The following PCDHA7 variants were observed in gnomAD, a reference collection of about 807,000 sequenced individuals.
The protein encoded by PCDHA7 is protocadherin alpha-7.
In PCDHA7, 37 loss-of-function variants were observed where a neutral mutation model predicts 57.2. The observed-to-expected ratio is 0.65, with a 90% CI of 0.50 to 0.85. The LOEUF (loss-of-function observed/expected upper bound fraction) is 0.85. Among genes scored for constraint, PCDHA7 ranks in the 40% least tolerant of loss-of-function variants. The pLI, the probability that PCDHA7 is intolerant of heterozygous loss-of-function variation, is 0.00. For synonymous variants in PCDHA7, 553 were observed against 558.8 expected (o/e 0.99, Z 0.15); for missense variants, 1,188 against 1,241.8 (o/e 0.96, Z 0.65).
At chr5:140,866,347 A>G (rs1554160242) in intron 1 of PCDHA7, 2 of 152,140 alleles carry the variant, frequency 1.3e-5, no homozygotes, top group Admixed American at 6.5e-5. Context: ...GGATTCAAGA[A>G]ATGTTTACAA....
chr5:140,915,960 G>A (rs1554197207), intron 1 of PCDHA7, among the ~76,000 whole-genome samples: 1 of 152,112 alleles, frequency 6.6e-6, no homozygotes, highest in Admixed American at 6.5e-5. Flanking sequence ...TTAGAAATTT[G>A]CCTGATATTT....
At chr5:140,850,301 C>G in intron 1 of PCDHA7, 3 of 1,596,740 alleles carry the variant, frequency 1.9e-6, no homozygotes, top group Non-Finnish European at 2.6e-6. Context: ...CCGACTCGGG[C>G]TACAACGCGT....
At chr5:140,979,067 A>C (rs1938790025) in intron 2 of PCDHA7, 60 bp downstream of exon 2, 1 of 1,601,882 alleles carries the variant, frequency 6.2e-7, no homozygotes, top group Non-Finnish European at 8.5e-7. Flanking sequence ...GCTCAGATAA[A>C]CTGCATCTCC....
chr5:141,005,164 G>T (rs782398186), intron 3 of PCDHA7, among the ~76,000 whole-genome samples: 1 of 152,178 alleles, frequency 6.6e-6, no homozygotes, highest in Non-Finnish European at 1.5e-5. Context: ...TAAAGAGTGG[G>T]TACCACTTTC....
intron 1 of PCDHA7, chr5:140,966,135 T>A (rs1456572936): frequency 1.2e-5 from 2 of 162,166 alleles, no homozygotes; most frequent in African/African-American, 4.8e-5. Context: ...CCCCTCAGTT[T>A]ATTTTCCTGA....
chr5:140,904,047 A>C (rs1554191240), intron 1 of PCDHA7, among the ~76,000 whole-genome samples: 1 of 152,164 alleles, frequency 6.6e-6, no homozygotes, highest in Admixed American at 6.6e-5. Flanking sequence ...TAATTTTTTT[A>C]TTTCAATGGG....
chr5:140,852,648 C>A, intron 1 of PCDHA7: 1 of 958,186 alleles, frequency 1.0e-6, no homozygotes, highest in Non-Finnish European at 1.3e-6. Context: ...TTAAACCTAT[C>A]TATATCTGTC....
chr5:141,006,765 G>T (rs1299930915), intron 3 of PCDHA7, among the ~76,000 whole-genome samples: 3 of 152,174 alleles, frequency 2.0e-5, no homozygotes, highest in Non-Finnish European at 4.4e-5. Context: ...ATGAAGAATA[G>T]AATAGAGAAA....
chr5:141,010,321 G>C lies in PCDHA7; in HGVS notation c.*384G>C. On this transcript the variant is annotated 3_prime_UTR_variant, in exon 4 of 4. Transcript: ENST00000525929. Reference sequence around the variant, plus strand: ...GGCTGAAAAGTTTTGAGATTGAGCAGCTTGGGAGTTTGTGGCCACTGGGTA... The same window carrying C: ...GGCTGAAAAGTTTTGAGATTGAGCACCTTGGGAGTTTGTGGCCACTGGGTA... 7 of 1,541,244 alleles carry C rather than the reference G, an allele frequency of 4.5e-6. No homozygotes were observed. In the South Asian group the frequency reaches 8.5e-5, roughly 19 times the overall value.
At chr5:140,983,034 C>T (rs923296416) in intron 3 of PCDHA7, among the ~76,000 whole-genome samples, 1 of 151,944 alleles carries the variant, frequency 6.6e-6, no homozygotes, top group Non-Finnish European at 1.5e-5. Context: ...GATGGTTTCT[C>T]ATGGAAGTGG....
At chr5:140,883,003 C>A in intron 1 of PCDHA7, 5 of 1,614,050 alleles carry the variant, frequency 3.1e-6, no homozygotes, top group Non-Finnish European at 4.2e-6. Flanking sequence ...TTTACCAATC[C>A]GTTTATAAAG....
chr5:140,997,324 T>C (rs1447294871), intron 3 of PCDHA7, among the ~76,000 whole-genome samples: 1 of 152,202 alleles, frequency 6.6e-6, no homozygotes, highest in Non-Finnish European at 1.5e-5. Context: ...TAGGCAGTTT[T>C]TTCGTTGTAC....
At chr5:140,858,235 A>T (rs2045286318) in intron 1 of PCDHA7, 1 of 1,596,218 alleles carries the variant, frequency 6.3e-7, no homozygotes, top group African/African-American at 1.3e-5. Flanking sequence ...CCGAGGGCGC[A>T]TGTGGGCCGG....
chr5:140,931,259 CTATT>C (rs1407255574), intron 1 of PCDHA7, among the ~76,000 whole-genome samples: 2 of 152,080 alleles, frequency 1.3e-5, no homozygotes, highest in African/African-American at 4.8e-5. Flanking sequence ...AGAAATTTCA[CTATT>C]TATTTCTTTT....
chr5:140,979,145 G>A, intron 2 of PCDHA7, 138 bp downstream of exon 2: 1 of 1,447,220 alleles, frequency 6.9e-7, no homozygotes, highest in Non-Finnish European at 9.1e-7. Context: ...CAATTATTTT[G>A]TCCCCATGTT....
At chr5:140,858,839 C>T (rs1306924023) in intron 1 of PCDHA7, 1 of 317,040 alleles carries the variant, frequency 3.2e-6, no homozygotes, top group Non-Finnish European at 5.9e-6. Context: ...CCAAAAAATT[C>T]CACTGATCTA....
At chr5:140,909,772 A>T (rs2074681843) in intron 1 of PCDHA7, among the ~76,000 whole-genome samples, 1 of 152,166 alleles carries the variant, frequency 6.6e-6, no homozygotes, top group Non-Finnish European at 1.5e-5. Context: ...CCAGGGACCC[A>T]CTGGACCCAC....
intron 1 of PCDHA7, among the ~76,000 whole-genome samples, chr5:140,899,260 T>A (rs2153463432): frequency 6.6e-6 from 1 of 152,272 alleles, no homozygotes; most frequent in South Asian, 2.1e-4. Context: ...GGCATCCCTG[T>A]CTTGTGGCAG....
intron 1 of PCDHA7, chr5:140,868,910 T>C: frequency 2.3e-6 from 2 of 888,770 alleles, no homozygotes; most frequent in South Asian, 3.8e-5. Flanking sequence ...GCTCTTTACT[T>C]GGTGGAAAGT....
Sources: gnomAD v4.1 joint callset for allele counts (sites outside exome capture counted in the v4.1 genomes callset) on GRCh38, gnomAD v4.1.1 for gene constraint, MANE v1.5 for transcripts, NCBI Gene and HGNC (gene_info 2026-07-23, HGNC 2026-07-21) for gene names.